The following PDSS2 variants were observed in gnomAD, a reference collection of about 807,000 sequenced individuals.
PDSS2 encodes decaprenyl diphosphate synthase subunit 2.
In PDSS2, 31 loss-of-function variants were observed where a neutral mutation model predicts 44.5. That is an observed-to-expected ratio of 0.70 (90% CI 0.52 to 0.94). The LOEUF (loss-of-function observed/expected upper bound fraction) is 0.94, where lower values mean the gene tolerates loss of function less well. Among genes scored for constraint, PDSS2 ranks in the 40% least tolerant of loss-of-function variants. PDSS2 has a pLI of 0.00. For missense variants in PDSS2, 452 were observed against 482.2 expected (o/e 0.94, Z 0.59); for synonymous variants, 157 against 180.3 (o/e 0.87, Z 1.03).
At chr6:107,231,212 A>T (rs1262839776) in intron 4 of PDSS2, among the ~76,000 whole-genome samples, 5 of 152,184 alleles carry the variant, frequency 3.3e-5, no homozygotes, top group African/African-American at 1.2e-4. Context: ...TTTTTAAACC[A>T]TATTTTTGTG....
chr6:107,295,792 C>A (rs1776491013), intron 2 of PDSS2, among the ~76,000 whole-genome samples: 2 of 152,048 alleles, frequency 1.3e-5, no homozygotes, highest in South Asian at 4.1e-4. Flanking sequence ...TCTTTTATTC[C>A]TTGACCTTAT....
chr6:107,292,724 C>T (rs988747775), intron 2 of PDSS2, among the ~76,000 whole-genome samples: 36 of 152,116 alleles, frequency 2.4e-4, no homozygotes, highest in South Asian at 1.0e-3. Flanking sequence ...ACACTTGATA[C>T]TGTCAACACA....
At chr6:107,246,171 T>C (rs1774607352) in intron 3 of PDSS2, among the ~76,000 whole-genome samples, 1 of 152,138 alleles carries the variant, frequency 6.6e-6, no homozygotes, top group Non-Finnish European at 1.5e-5. Flanking sequence ...AGAACTGTAA[T>C]ACTGAAATCA....
chr6:107,210,811 C>T (rs564210312), intron 5 of PDSS2, among the ~76,000 whole-genome samples: 1 of 151,706 alleles, frequency 6.6e-6, no homozygotes, highest in African/African-American at 2.4e-5. Flanking sequence ...TGAGACCAGC[C>T]TGGTCAAAAT....
At chr6:107,393,446 T>C in intron 1 of PDSS2, among the ~76,000 whole-genome samples, 1 of 152,278 alleles carries the variant, frequency 6.6e-6, no homozygotes, top group South Asian at 2.1e-4. Flanking sequence ...TGAAGTTCTA[T>C]GTGCACTTAA....
chr6:107,320,360 GA>G (rs1397338941), intron 2 of PDSS2, among the ~76,000 whole-genome samples: 2 of 152,168 alleles, frequency 1.3e-5, no homozygotes, highest in Non-Finnish European at 2.9e-5. Flanking sequence ...ATGGACAAGA[GA>G]AAATCTTGTA....
chr6:107,310,893 A>G (rs1022333590), intron 2 of PDSS2, among the ~76,000 whole-genome samples: 13 of 151,674 alleles, frequency 8.6e-5, no homozygotes, highest in African/African-American at 2.9e-4. Context: ...TACATTTAAA[A>G]TTCAAGTATA....
At chr6:107,286,136 T>TAAATAAAAA (rs568159749) in intron 2 of PDSS2, among the ~76,000 whole-genome samples, 6 of 128,738 alleles carry the variant, frequency 4.7e-5, no homozygotes, top group Admixed American at 2.4e-4. Flanking sequence ...CGTCGCAAAA[T>TAAATAAAAA]AAAAAAAAAA....
chr6:107,180,216 G>T (rs1413384479), intron 7 of PDSS2, among the ~76,000 whole-genome samples: 1 of 152,030 alleles, frequency 6.6e-6, no homozygotes, highest in Non-Finnish European at 1.5e-5. Context: ...AGGCTCTCCT[G>T]GTGCACAGGT....
At chr6:107,458,375 G>A (rs1782117064) in intron 1 of PDSS2, among the ~76,000 whole-genome samples, 1 of 135,304 alleles carries the variant, frequency 7.4e-6, no homozygotes, top group African/African-American at 3.0e-5. Context: ...TGTAGTCCCA[G>A]CTACTCCCGC....
chr6:107,229,343 T>C (rs1225313616), intron 4 of PDSS2, among the ~76,000 whole-genome samples: 1 of 152,006 alleles, frequency 6.6e-6, no homozygotes, highest in African/African-American at 2.4e-5. Context: ...TGCACCACCA[T>C]GCCCGGCTAA....
chr6:107,392,298 T>C (rs1779808342), intron 1 of PDSS2, among the ~76,000 whole-genome samples: 1 of 152,202 alleles, frequency 6.6e-6, no homozygotes, highest in African/African-American at 2.4e-5. Context: ...CTGAAGTAGA[T>C]TTCAATTGGC....
At chr6:107,345,572 A>C (rs1778217228) in intron 1 of PDSS2, among the ~76,000 whole-genome samples, 1 of 151,970 alleles carries the variant, frequency 6.6e-6, no homozygotes, top group African/African-American at 2.4e-5. Context: ...CAGATGGATG[A>C]AGCCAGTAAA....
intron 1 of PDSS2, among the ~76,000 whole-genome samples, chr6:107,363,334 G>A (rs1778841986): frequency 6.6e-6 from 1 of 152,210 alleles, no homozygotes; most frequent in Admixed American, 6.5e-5. Context: ...GAGTCTTACA[G>A]CTCTTAAGGT....
At chr6:107,386,932 C>A (rs1308014435) in intron 1 of PDSS2, among the ~76,000 whole-genome samples, 2 of 152,168 alleles carry the variant, frequency 1.3e-5, no homozygotes, top group Non-Finnish European at 2.9e-5. Flanking sequence ...CCCAGCTATC[C>A]TTCTCCAATA....
Position 107,313,879 on chromosome 6 carries a change from G to A in PDSS2, c.431+20319C>T, listed in dbSNP as rs1414515540. ...TAAAGAAAACCATGAGGTCAGGTGT[G>A]GTGGCTCATGTTTGCAATTCTAGCA... is the stretch of plus-strand genomic sequence containing the variant. On this transcript the variant is annotated intron_variant, in intron 2 of 7. Transcript: ENST00000369037. 4.6e-5 allele frequency among the ~76,000 whole-genome samples: 7 copies of A among 152,152 alleles called. No individual in the cohort carries two copies. In the East Asian group the frequency reaches 1.4e-3, roughly 29 times the overall value.
intron 1 of PDSS2, among the ~76,000 whole-genome samples, chr6:107,409,995 C>G (rs1017863600): frequency 1.3e-5 from 2 of 151,970 alleles, no homozygotes; most frequent in African/African-American, 4.8e-5. Flanking sequence ...AGTCTCCAGG[C>G]AGAGAGAAGA....
chr6:107,311,602 TGAA>T (rs1186157521), intron 2 of PDSS2, among the ~76,000 whole-genome samples: 2 of 152,150 alleles, frequency 1.3e-5, no homozygotes, highest in Non-Finnish European at 2.9e-5. Flanking sequence ...GTGTAGTCCT[TGAA>T]GAGTCTATAA....
chr6:107,433,001 C>T (rs910755012), intron 1 of PDSS2, among the ~76,000 whole-genome samples: 5 of 152,050 alleles, frequency 3.3e-5, no homozygotes, highest in Non-Finnish European at 7.4e-5. Flanking sequence ...CCTTAGCTCC[C>T]ACATATAAGT....
Sources: gnomAD v4.1 joint callset for allele counts (sites outside exome capture counted in the v4.1 genomes callset) on GRCh38, gnomAD v4.1.1 for gene constraint, MANE v1.5 for transcripts, NCBI Gene and HGNC (gene_info 2026-07-23, HGNC 2026-07-21) for gene names.